Variants in RNF14 observed in about 807,000 individuals in gnomAD.
The protein encoded by RNF14 is ring finger protein 14.
A neutral mutation model predicts 52.6 loss-of-function variants in RNF14; 26 were observed. The observed-to-expected ratio is 0.49, with a 90% confidence interval of 0.36 to 0.69. The LOEUF is 0.69. Among genes scored for constraint, RNF14 ranks in the 30% least tolerant of loss-of-function variants. The probability of loss-of-function intolerance (pLI) is 0.00; values close to 1 mark genes in which losing one functional copy is unlikely to be tolerated. For missense variants in RNF14, 404 were observed against 560.4 expected (o/e 0.72, Z 2.82); for synonymous variants, 194 against 202.0 (o/e 0.96, Z 0.34).
At chr5:141,956,874 G>A, upstream of RNF14, 1 of 1,614,216 alleles carries the variant, frequency 6.2e-7, no homozygotes, top group Non-Finnish European at 8.5e-7. Flanking sequence ...TGGGACCCAG[G>A]TCCCTTGCCT....
At position 141,980,414 on chromosome 5, in the gene RNF14, A is replaced by T. The variant is rs1754666518; in HGVS notation, c.1063+63A>T. On this transcript the variant is annotated intron_variant, in intron 6 of 8. Coordinates refer to ENST00000394520, the MANE Select transcript of RNF14 (RefSeq NM_004290.5). The stretch of plus-strand genomic sequence containing the variant: ...TCTCTCCCTCACATTTCACTCTACT[A>T]CCAGGGCCTTATGACTTCATTCTTC... 7.5e-6 allele frequency: 9 copies of T among 1,207,122 alleles called. No individual in the cohort carries two copies. In the Admixed American group the frequency reaches 1.7e-4, roughly 22 times the overall value. 74.8% of individuals were successfully genotyped at this position (1,207,122 alleles called of 1,614,324 possible). A position where few individuals can be genotyped will look rare whatever the true frequency, so the allele number is the denominator to read the frequency against.
At chr5:141,973,201 T>C (rs1394850058) in intron 2 of RNF14, among the ~76,000 whole-genome samples, 1 of 152,062 alleles carries the variant, frequency 6.6e-6, no homozygotes, top group Non-Finnish European at 1.5e-5. Context: ...AGTTGTTTTT[T>C]GTGCCATTAA....
chr5:141,955,008 G>A (rs141083707), upstream of RNF14: 163 of 1,614,054 alleles, frequency 1.0e-4, no homozygotes, highest in African/African-American at 1.6e-3. This position sits in a 1 kb window ranked among gnomAD's most constrained non-coding sequence, Gnocchi z 5.5. Flanking sequence ...GCTCCTCCAC[G>A]GGGTTCCGCT....
At chr5:141,961,875 C>T (rs1031438493), upstream of RNF14, among the ~76,000 whole-genome samples, 1 of 152,298 alleles carries the variant, frequency 6.6e-6, no homozygotes, top group African/African-American at 2.4e-5. Context: ...GAGATCACAC[C>T]TCGCCCCTAC....
upstream of RNF14, chr5:141,957,042 G>T (rs1420307335): frequency 6.2e-6 from 10 of 1,614,208 alleles, no homozygotes; most frequent in Non-Finnish European, 7.6e-6. The surrounding 1 kb of genome is among the most constrained non-coding windows in gnomAD (Gnocchi z 4.3). Flanking sequence ...CTTGGTCAGG[G>T]TCTGTGGCGG....
intron 1 of RNF14, chr5:141,969,883 C>G (rs1233100312): frequency 6.6e-6 from 1 of 152,202 alleles, no homozygotes; most frequent in Non-Finnish European, 1.5e-5. Context: ...ATGAATGAAT[C>G]TCTCATCCCA....
chr5:141,966,228 C>T (rs955123714), upstream of RNF14, among the ~76,000 whole-genome samples: 1 of 151,944 alleles, frequency 6.6e-6, no homozygotes, highest in African/African-American at 2.4e-5. Context: ...CAGAGGTTGC[C>T]GTGAGCTGAG....
chr5:141,979,920 T>C (rs978988012), intron 5 of RNF14, among the ~76,000 whole-genome samples: 2 of 152,168 alleles, frequency 1.3e-5, no homozygotes, highest in Non-Finnish European at 2.9e-5. Context: ...ATAAAATAAA[T>C]TGGACACTTT....
chr5:141,988,587 C>T lies in RNF14; in HGVS notation c.*797C>T, dbSNP rs1596722266. The T allele has an allele frequency of 6.6e-6, 1 of 152,272 alleles. No homozygotes were observed. The highest frequency in any genetic ancestry group is 2.1e-4 in the South Asian group (1 of 4,828). The allele number at this position is 152,272 out of a possible 1,614,324, so 9.4% of individuals were successfully genotyped here. ...GTCTTTGCTACTTTTGTTCCACATT[C>T]TCTCTCTTTACCTTTGCCCTACCTT... On this transcript the variant is annotated 3_prime_UTR_variant, in exon 9 of 9. Coordinates refer to ENST00000394520, the MANE Select transcript of RNF14 (RefSeq NM_004290.5).
At chr5:141,975,535 G>C (rs1754168380) in intron 4 of RNF14, among the ~76,000 whole-genome samples, 1 of 152,188 alleles carries the variant, frequency 6.6e-6, no homozygotes, top group Non-Finnish European at 1.5e-5. Flanking sequence ...GAGGCCTTAT[G>C]TTAAGCACCT....
chr5:141,973,773 C>G (rs757469931), intron 3 of RNF14, 31 bp downstream of exon 3: 59 of 1,545,168 alleles, frequency 3.8e-5, no homozygotes, highest in Non-Finnish European at 5.0e-5. Context: ...ACAGATTTTT[C>G]TATTATTCTT....
chr5:141,972,363 G>A (rs1753858963), intron 2 of RNF14, among the ~76,000 whole-genome samples: 1 of 151,840 alleles, frequency 6.6e-6, no homozygotes, highest in African/African-American at 2.4e-5. Flanking sequence ...CCAAGTAGCT[G>A]GGACCACAGG....
chr5:141,988,521 T>A lies in RNF14; in HGVS notation c.*731T>A, dbSNP rs1439404058. 1 of 152,368 alleles carries A rather than the reference T, an allele frequency of 6.6e-6. No homozygotes were observed. Among genetic ancestry groups the A allele is most frequent in the African/African-American group, 2.4e-5 (1 of 41,454 alleles). The allele number at this position is 152,368 out of a possible 1,614,324, so 9.4% of individuals were successfully genotyped here. On this transcript the variant is annotated 3_prime_UTR_variant, in exon 9 of 9. Transcript: ENST00000394520. Reference sequence around the variant, plus strand: ...TGGCTCAGAAGAATTTAAGTTCTATTCAGCCTTCCTGGGTGTTAGAACCTA... The same window carrying A: ...TGGCTCAGAAGAATTTAAGTTCTATACAGCCTTCCTGGGTGTTAGAACCTA...
rs763123248 is a variant in RNF14, at chr5:141,978,414, A to G, written c.418A>G (p.Ile140Val). 2.5e-6 allele frequency: 4 copies of G among 1,614,180 alleles called. No individual in the cohort carries two copies. The highest frequency in any genetic ancestry group is 1.6e-4 in the Middle Eastern group (1 of 6,062). ...GGAAGAGACCCTAGCATACTTGAAT[A>G]TTGTCTCTCCTTTTGAGCTCAAGAT... ...LKEETLAYLN[I>V]VSPFELKIGS... The change falls in exon 5 of 9, where the codon ATT becomes GTT. Residue 140 changes from isoleucine to valine, a missense_variant. Ile to Val is a conservative substitution (Grantham distance 29). Coordinates refer to ENST00000394520, the MANE Select transcript of RNF14 (RefSeq NM_004290.5).
upstream of RNF14, chr5:141,956,859 A>G: frequency 6.2e-7 from 1 of 1,614,220 alleles, no homozygotes; most frequent in Non-Finnish European, 8.5e-7. Context: ...GGGCTGGGAT[A>G]GGATTGGGAC....
upstream of RNF14, among the ~76,000 whole-genome samples, chr5:141,967,512 A>G (rs1408740608): frequency 6.6e-6 from 1 of 151,888 alleles, no homozygotes; most frequent in Non-Finnish European, 1.5e-5. Context: ...CCATTGTATC[A>G]TTCTTAAGAG....
At chr5:141,954,593 C>T (rs902529232), upstream of RNF14, among the ~76,000 whole-genome samples, 1 of 152,164 alleles carries the variant, frequency 6.6e-6, no homozygotes, top group African/African-American at 2.4e-5. Flanking sequence ...GATTTGAACC[C>T]AGGTAACCTT....
intron 4 of RNF14, among the ~76,000 whole-genome samples, chr5:141,977,101 C>T (rs1754339840): frequency 1.3e-5 from 2 of 152,220 alleles, no homozygotes; most frequent in Non-Finnish European, 2.9e-5. Context: ...CCAGCTGCCT[C>T]TCTTGAGAAG....
At chr5:141,973,794 T>G in intron 3 of RNF14, 52 bp downstream of exon 3, 10 of 1,461,292 alleles carry the variant, frequency 6.8e-6, no homozygotes, top group Non-Finnish European at 8.4e-6. Flanking sequence ...TATTTCTTAG[T>G]GTACCTTAAA....
Sources: allele counts gnomAD v4.1 joint callset (sites outside exome capture counted in the v4.1 genomes callset), GRCh38; gene constraint gnomAD v4.1.1; non-coding constraint Gnocchi (gnomAD v3.1); transcripts MANE v1.5; gene names NCBI Gene and HGNC (gene_info 2026-07-23, HGNC 2026-07-21).